Variants in ASIC2 observed in about 807,000 individuals in gnomAD.
ASIC2 encodes acid-sensing ion channel 2.
Under a neutral mutation model 57.3 loss-of-function variants are expected in ASIC2, and 25 were observed. The observed-to-expected ratio is 0.44, with a 90% confidence interval of 0.32 to 0.61. The LOEUF (loss-of-function observed/expected upper bound fraction) is 0.61. Ranked by LOEUF, ASIC2 falls within the 20% of genes least tolerant of loss-of-function variation. The pLI is 0.06. For missense variants in ASIC2, 641 were observed against 738.1 expected (o/e 0.87, Z 1.52); for synonymous variants, 319 against 307.5 (o/e 1.04, Z -0.39).
At chr17:33,035,245 T>C (rs2091904262) in intron 3 of ASIC2, among the ~76,000 whole-genome samples, 1 of 152,198 alleles carries the variant, frequency 6.6e-6, no homozygotes, top group Non-Finnish European at 1.5e-5. Flanking sequence ...AACATGTTTA[T>C]GATTGTTATT....
intron 1 of ASIC2, among the ~76,000 whole-genome samples, chr17:33,120,356 T>C (rs1049157982): frequency 2.6e-5 from 4 of 152,206 alleles, no homozygotes; most frequent in Non-Finnish European, 5.9e-5. Flanking sequence ...GTGTGAATGC[T>C]ATGCAGGAAA....
intron 1 of ASIC2, among the ~76,000 whole-genome samples, chr17:34,114,705 G>C (rs564678204): frequency 6.6e-6 from 1 of 152,298 alleles, no homozygotes; most frequent in South Asian, 2.1e-4. Context: ...GTTATCCTGA[G>C]AAGTGGGGAG....
intron 1 of ASIC2, among the ~76,000 whole-genome samples, chr17:33,754,680 G>A (rs1333287071): frequency 6.6e-6 from 1 of 152,182 alleles, no homozygotes; most frequent in Non-Finnish European, 1.5e-5. Context: ...CCTATAGGCT[G>A]GTGCGGTGGC....
At chr17:34,104,115 C>T (rs1407076998) in intron 1 of ASIC2, among the ~76,000 whole-genome samples, 2 of 151,992 alleles carry the variant, frequency 1.3e-5, no homozygotes, top group African/African-American at 4.8e-5. Flanking sequence ...TTATTTATGT[C>T]CTCTTTAACT....
chr17:33,792,800 C>T (rs1301819972), intron 1 of ASIC2: 1 of 152,202 alleles, frequency 6.6e-6, no homozygotes, highest in Non-Finnish European at 1.5e-5. Context: ...TGAGGAACTT[C>T]TTAAAATATG....
rs541542418 is a variant in ASIC2, at chr17:33,821,753, T to A, written c.555+334225A>T. Among the ~76,000 whole-genome samples the A allele has an allele frequency of 5.9e-5, 9 of 152,350 alleles. No homozygotes were observed. In the East Asian group the frequency reaches 9.6e-4, roughly 16 times the overall value. ...CTTCTCAGGATTTTCGGTAACTGTT[T>A]CACTTGTTTATTGAAAGGGAATGAC... On this transcript the variant is annotated intron_variant, in intron 1 of 9. Transcript: ENST00000359872.
At chr17:33,584,276 G>T (rs182606786) in intron 1 of ASIC2, among the ~76,000 whole-genome samples, 2 of 152,142 alleles carry the variant, frequency 1.3e-5, no homozygotes, top group African/African-American at 4.8e-5. Flanking sequence ...GACATGTGTT[G>T]TCAATGATTA....
At chr17:33,368,661 C>A (rs1406756084) in intron 1 of ASIC2, among the ~76,000 whole-genome samples, 3 of 152,168 alleles carry the variant, frequency 2.0e-5, no homozygotes, top group Non-Finnish European at 4.4e-5. Flanking sequence ...TACCACTGAC[C>A]CCTGGCACTT....
At chr17:33,283,880 T>C (rs943500112) in intron 1 of ASIC2, among the ~76,000 whole-genome samples, 1 of 152,106 alleles carries the variant, frequency 6.6e-6, no homozygotes, top group African/African-American at 2.4e-5. Context: ...TGCACCAAGA[T>C]CTTTTTGTGG....
intron 1 of ASIC2, among the ~76,000 whole-genome samples, chr17:33,203,022 A>C (rs1301657412): frequency 6.6e-6 from 1 of 152,230 alleles, no homozygotes; most frequent in Non-Finnish European, 1.5e-5. Context: ...CCTTTGATTC[A>C]GCGAGAAAGG....
At chr17:33,139,492 G>A (rs2092378968) in intron 1 of ASIC2, among the ~76,000 whole-genome samples, 1 of 152,074 alleles carries the variant, frequency 6.6e-6, no homozygotes, top group Admixed American at 6.5e-5. Flanking sequence ...ACACTGTTTT[G>A]GGCACAGCCC....
chr17:33,283,739 T>G (rs1242156942), intron 1 of ASIC2, among the ~76,000 whole-genome samples: 4 of 152,120 alleles, frequency 2.6e-5, no homozygotes, highest in South Asian at 2.1e-4. Context: ...ACCTCTGGAG[T>G]TAGGCAGGCA....
At chr17:33,140,487 G>A (rs1196717977) in intron 1 of ASIC2, among the ~76,000 whole-genome samples, 1 of 152,204 alleles carries the variant, frequency 6.6e-6, no homozygotes, top group Non-Finnish European at 1.5e-5. Context: ...TTTCTATGAT[G>A]GGAATTACAG....
At chr17:33,850,009 GT>G (rs140684091) in intron 1 of ASIC2, among the ~76,000 whole-genome samples, 23,857 of 152,182 alleles carry the variant, frequency 0.16, 2,296 homozygotes, top group South Asian at 0.24. Flanking sequence ...ATTCTGCTAT[GT>G]TAAAGGTATG....
intron 1 of ASIC2, among the ~76,000 whole-genome samples, chr17:33,435,075 C>T (rs1911560697): frequency 6.6e-6 from 1 of 152,178 alleles, no homozygotes; most frequent in East Asian, 1.9e-4. Flanking sequence ...GAGATACAGA[C>T]ATACTAGGAA....
chr17:33,788,160 A>G (rs1260710174), intron 1 of ASIC2, among the ~76,000 whole-genome samples: 4 of 152,196 alleles, frequency 2.6e-5, no homozygotes, highest in Admixed American at 6.5e-5. Flanking sequence ...CAATCTACCC[A>G]TCTGACAAAG....
At chr17:34,081,898 T>C (rs1224965904) in intron 1 of ASIC2, 2 of 152,302 alleles carry the variant, frequency 1.3e-5, no homozygotes, top group South Asian at 2.1e-4. Context: ...AATAAATGTT[T>C]AGTCTCTTCT....
chr17:33,309,303 A>G (rs1906309892), intron 1 of ASIC2, among the ~76,000 whole-genome samples: 1 of 152,064 alleles, frequency 6.6e-6, no homozygotes, highest in Non-Finnish European at 1.5e-5. Context: ...TGATAGTAAA[A>G]GAAGAAAAAG....
intron 1 of ASIC2, among the ~76,000 whole-genome samples, chr17:33,836,117 T>TTTC (rs1491153819): frequency 2.1e-5 from 2 of 97,194 alleles, no homozygotes; most frequent in South Asian, 3.5e-4. Flanking sequence ...CTCATACAGC[T>TTTC]TTTTTTTTTT....
Sources: allele counts gnomAD v4.1 joint callset (sites outside exome capture counted in the v4.1 genomes callset), GRCh38; gene constraint gnomAD v4.1.1; transcripts MANE v1.5; gene names NCBI Gene and HGNC (gene_info 2026-07-23, HGNC 2026-07-21).